Variants in ITGB6 observed in about 807,000 individuals in gnomAD.
ITGB6 encodes the protein integrin subunit beta 6, also known as integrin beta-6.
In ITGB6, 80 loss-of-function variants were observed where a neutral mutation model predicts 84.5. The observed-to-expected ratio is 0.95, with a 90% CI of 0.79 to 1.14. The LOEUF (loss-of-function observed/expected upper bound fraction) is 1.14, where lower values mean the gene tolerates loss of function less well. Ranked by LOEUF, ITGB6 falls within the 50% of genes most tolerant of loss-of-function variation. ITGB6 has a pLI of 0.00. For synonymous variants in ITGB6, 383 were observed against 354.9 expected (o/e 1.08, Z -0.89); for missense variants, 1,006 against 968.0 (o/e 1.04, Z -0.52).
intron 7 of ITGB6, among the ~76,000 whole-genome samples, chr2:160,148,687 C>T (rs968335551): frequency 1.7e-4 from 26 of 152,206 alleles, no homozygotes; most frequent in African/African-American, 6.0e-4. Flanking sequence ...GGGGATTTCC[C>T]TTTCCTAGCC....
chr2:160,173,110 G>A (rs1315417758), intron 5 of ITGB6, among the ~76,000 whole-genome samples: 5 of 152,298 alleles, frequency 3.3e-5, no homozygotes, highest in African/African-American at 9.6e-5. Context: ...TCATCAAAAT[G>A]CAATGTTAAA....
At chr2:160,151,132 G>C (rs1211918323) in intron 7 of ITGB6, among the ~76,000 whole-genome samples, 4 of 152,004 alleles carry the variant, frequency 2.6e-5, no homozygotes, top group East Asian at 1.9e-4. Flanking sequence ...CCCAAATCAA[G>C]AGAATATACA....
intron 6 of ITGB6, among the ~76,000 whole-genome samples, chr2:160,171,775 C>T (rs535979157): frequency 6.6e-6 from 1 of 152,172 alleles, no homozygotes; most frequent in African/African-American, 2.4e-5. Flanking sequence ...CATAGAGATG[C>T]ACAAGAACAC....
At chr2:160,188,541 T>G (rs528615782) in intron 4 of ITGB6, among the ~76,000 whole-genome samples, 3 of 152,172 alleles carry the variant, frequency 2.0e-5, no homozygotes, top group Non-Finnish European at 4.4e-5. Context: ...GTACCTCTTA[T>G]TTATTGAGAA....
intron 7 of ITGB6, among the ~76,000 whole-genome samples, chr2:160,153,768 C>T (rs1182201256): frequency 6.6e-6 from 1 of 152,032 alleles, no homozygotes; most frequent in Non-Finnish European, 1.5e-5. Context: ...AACAAGTGGA[C>T]AAAGGATATG....
chr2:160,156,703 G>T (rs1447114142), intron 7 of ITGB6, among the ~76,000 whole-genome samples: 1 of 152,084 alleles, frequency 6.6e-6, no homozygotes, highest in Non-Finnish European at 1.5e-5. Context: ...CTGTTTTATG[G>T]CCATGATCCT....
At chr2:160,195,912 C>A (rs1305803727) in intron 3 of ITGB6, among the ~76,000 whole-genome samples, 1 of 151,950 alleles carries the variant, frequency 6.6e-6, no homozygotes, top group Non-Finnish European at 1.5e-5. Context: ...AAAAGGAGAA[C>A]CAAATAAAAG....
intron 10 of ITGB6, among the ~76,000 whole-genome samples, chr2:160,129,392 C>CAAAAA (rs374921878): frequency 0.044 from 5,521 of 126,584 alleles, 379 homozygotes; most frequent in African/African-American, 0.15. Flanking sequence ...TACTTTTCTT[C>CAAAAA]AAAAAAAAAA....
At position 160,100,424 on chromosome 2, in the gene ITGB6, A is replaced by G. The variant is rs1276669988; in HGVS notation, c.*1312T>C. The G allele has an allele frequency of 6.6e-6, 1 of 152,192 alleles. No individual in the cohort carries two copies. Among genetic ancestry groups the G allele is most frequent in the African/African-American group, 2.4e-5 (1 of 41,458 alleles). 9.4% of individuals were successfully genotyped at this position (152,192 alleles called of 1,614,324 possible). ...ATCACTTAACTAACACAATCTTTCT[A>G]TTATTTCACTGACAAAAGAGGCAGT... On this transcript the variant is annotated 3_prime_UTR_variant, in exon 15 of 15. Coordinates refer to ENST00000283249, the MANE Select transcript of ITGB6 (RefSeq NM_000888.5).
In ITGB6 at chr2:160,196,415, A is replaced by T. The variant is rs1322939202; in HGVS notation, c.147T>A (p.Phe49Leu). The T allele has an allele frequency of 6.3e-7, 1 of 1,597,666 alleles. No homozygotes were observed. Among genetic ancestry groups the T allele is most frequent in the Non-Finnish European group, 8.5e-7 (1 of 1,173,584 alleles). Reference protein sequence around the residue: ...PQCAWCAQENFTHPSGVGERC... With the variant: ...PQCAWCAQENLTHPSGVGERC... ...TTTCGCCAACTCCAGATGGATGAGTAAAATTCTAAAAAAGAAAAAGAAAAA... is the reference window on the plus strand; with the variant it reads ...TTTCGCCAACTCCAGATGGATGAGTTAAATTCTAAAAAAGAAAAAGAAAAA... The change falls in exon 3 of 15, where the codon TTT becomes TTA. Residue 49 changes from phenylalanine (F) to leucine (L), a missense_variant. Coordinates refer to ENST00000283249, the MANE Select transcript of ITGB6 (RefSeq NM_000888.5).
At chr2:160,134,673 C>T (rs1176571658) in intron 10 of ITGB6, among the ~76,000 whole-genome samples, 1 of 152,162 alleles carries the variant, frequency 6.6e-6, no homozygotes, top group African/African-American at 2.4e-5. Context: ...ACTGGCAAAC[C>T]GAATCCAGCT....
intron 8 of ITGB6, among the ~76,000 whole-genome samples, chr2:160,139,537 T>A (rs1227684866): frequency 6.6e-6 from 1 of 152,072 alleles, no homozygotes; most frequent in African/African-American, 2.4e-5. Context: ...AGGAGCTAAA[T>A]AAAAATTAAG....
chr2:160,112,300 CAATATTGCAGAATGAG>C, intron 12 of ITGB6, 101 bp from the exon 13 acceptor site: 1 of 1,103,002 alleles, frequency 9.1e-7, no homozygotes, highest in Non-Finnish European at 1.3e-6. Context: ...TTAGAGTTTT[CAATATTGCAGAATGAG>C]AATAGGAGAG....
chr2:160,144,334 A>T (rs979877669), intron 7 of ITGB6, among the ~76,000 whole-genome samples: 3 of 152,216 alleles, frequency 2.0e-5, no homozygotes, highest in Non-Finnish European at 4.4e-5. Flanking sequence ...CTGATGATGG[A>T]GGACCCCCTT....
intron 5 of ITGB6, among the ~76,000 whole-genome samples, 197 bp from the exon 6 acceptor site, chr2:160,172,927 A>T (rs1458204738): frequency 1.3e-5 from 2 of 152,176 alleles, no homozygotes; most frequent in Non-Finnish European, 2.9e-5. Context: ...TTTTTCCTGG[A>T]TAACATTTTC....
chr2:160,169,504 T>A (rs1685127146), intron 6 of ITGB6, among the ~76,000 whole-genome samples, 197 bp from the exon 7 acceptor site: 1 of 152,256 alleles, frequency 6.6e-6, no homozygotes, highest in African/African-American at 2.4e-5. Context: ...CTAAATCTTA[T>A]AAATCCAGTC....
intron 4 of ITGB6, among the ~76,000 whole-genome samples, chr2:160,185,241 AG>A (rs1438389191): frequency 6.6e-6 from 1 of 152,232 alleles, no homozygotes; most frequent in East Asian, 1.9e-4. Flanking sequence ...CCATCATCTT[AG>A]CCCAAAATCT....
intron 12 of ITGB6, 126 bp from the exon 13 acceptor site, chr2:160,112,325 A>G: frequency 1.1e-6 from 1 of 911,292 alleles, no homozygotes; most frequent in South Asian, 1.6e-5. Flanking sequence ...AGAATAGGAG[A>G]GGCATAGGTT....
rs144680666 is a variant in ITGB6, at chr2:160,137,443, G to A, written c.1651C>T (p.Leu551Phe). The change falls in exon 10 of 15, where the codon CTC becomes TTC. Residue 551 changes from leucine to phenylalanine, a missense_variant. Physicochemically the swap from Leu to Phe is conservative, Grantham distance 22. Coordinates refer to ENST00000283249, the MANE Select transcript of ITGB6 (RefSeq NM_000888.5). ...NFSCVRHKGLLCGGNGDCDCG... is the reference protein window; with the variant it reads ...NFSCVRHKGLFCGGNGDCDCG... The stretch of plus-strand genomic sequence containing the variant: ...TTTCAACATAGCCTACCTCCGCAGA[G>A]CAGCCCTTTGTGTCTCACGCAGGAG... The A allele has an allele frequency of 1.6e-4, 259 of 1,609,088 alleles. 3 individuals carry two copies. In the East Asian group the frequency reaches 5.7e-3, roughly 36 times the overall value.
Sources: allele counts gnomAD v4.1 joint callset (sites outside exome capture counted in the v4.1 genomes callset), GRCh38; gene constraint gnomAD v4.1.1; transcripts MANE v1.5; gene names NCBI Gene and HGNC (gene_info 2026-07-23, HGNC 2026-07-21).